TRAM1: variants seen among roughly 807,000 people sequenced by gnomAD.
TRAM1 encodes the protein translocation associated membrane protein 1, also known as translocating chain-associated membrane protein 1.
In TRAM1, 17 loss-of-function variants were observed where a neutral mutation model predicts 48.7. The ratio of observed to expected loss-of-function variants is 0.35; its 90% CI spans 0.24 to 0.52. The LOEUF (loss-of-function observed/expected upper bound fraction) is 0.52, where lower values mean the gene tolerates loss of function less well. TRAM1 is among the 20% of genes least tolerant of loss of function. The pLI is 0.94. For missense variants in TRAM1, 351 were observed against 441.5 expected (o/e 0.79, Z 1.84); for synonymous variants, 182 against 154.0 (o/e 1.18, Z -1.34).
In TRAM1 at chr8:70,583,341, C is replaced by T. The variant is rs773206061; in HGVS notation, c.891-17G>A. ...ACAGCGATTCTAAGAAATATTAAGA[C>T]ATAAAAAGTTAGTGTATAAAAAACA... On this transcript the variant is annotated splice_polypyrimidine_tract_variant and intron_variant, in intron 9 of 10. Coordinates refer to ENST00000262213, the MANE Select transcript of TRAM1 (RefSeq NM_014294.6). 6.2e-7 allele frequency: 1 copy of T among 1,607,636 alleles called. No homozygotes were observed. Among genetic ancestry groups the T allele is most frequent in the South Asian group, 1.1e-5 (1 of 90,030 alleles).
chr8:70,606,126 C>A (rs28407110), intron 1 of TRAM1, among the ~76,000 whole-genome samples: 4,100 of 152,214 alleles, frequency 0.027, 166 homozygotes, highest in African/African-American at 0.095. Flanking sequence ...TATTAAAGTA[C>A]TACTTTAAGG....
At chr8:70,599,234 G>A (rs1817554485) in intron 2 of TRAM1, among the ~76,000 whole-genome samples, 2 of 152,088 alleles carry the variant, frequency 1.3e-5, no homozygotes, top group Non-Finnish European at 2.9e-5. Flanking sequence ...CTCCTGCCTA[G>A]GTAACACATT....
At chr8:70,598,285 A>C in intron 2 of TRAM1, 30 bp from the exon 3 acceptor site, 1 of 1,583,406 alleles carries the variant, frequency 6.3e-7, no homozygotes, top group South Asian at 1.2e-5. Context: ...CAAATACACA[A>C]AAATATACAC....
At chr8:70,577,902 C>T (rs1402813319) in intron 10 of TRAM1, among the ~76,000 whole-genome samples, 2 of 152,252 alleles carry the variant, frequency 1.3e-5, no homozygotes, top group Admixed American at 6.5e-5. Context: ...GGTCCAGCTG[C>T]AGCCTCACAC....
chr8:70,586,007 A>G (rs1817208244), intron 8 of TRAM1, among the ~76,000 whole-genome samples: 2 of 150,994 alleles, frequency 1.3e-5, no homozygotes, highest in African/African-American at 2.4e-5. Flanking sequence ...ACAATAGCAA[A>G]GACTTGGAAC....
chr8:70,577,211 G>T (rs1025947762), intron 10 of TRAM1, among the ~76,000 whole-genome samples: 9 of 152,144 alleles, frequency 5.9e-5, no homozygotes, highest in African/African-American at 1.7e-4. Context: ...GCTTGGTGTG[G>T]GTCTGTAGGC....
At chr8:70,584,819 A>G (rs893879710) in intron 8 of TRAM1, among the ~76,000 whole-genome samples, 1 of 152,070 alleles carries the variant, frequency 6.6e-6, no homozygotes, top group Non-Finnish European at 1.5e-5. Flanking sequence ...GCTCATGAGT[A>G]GGAAGAATCA....
chr8:70,582,934 T>TTA (rs1464398130), intron 10 of TRAM1, among the ~76,000 whole-genome samples: 1 of 152,182 alleles, frequency 6.6e-6, no homozygotes, highest in Non-Finnish European at 1.5e-5. Context: ...ATGGAAAACT[T>TTA]GTTAAAGAGA....
intron 10 of TRAM1, among the ~76,000 whole-genome samples, chr8:70,580,723 C>A: frequency 1.4e-5 from 2 of 145,266 alleles, no homozygotes; most frequent in Non-Finnish European, 1.5e-5. Context: ...CAAGAAAATG[C>A]AATAGAAAGC....
chr8:70,575,107 A>T (rs1344877147), intron 10 of TRAM1, 102 bp from the exon 11 acceptor site: 1 of 820,706 alleles, frequency 1.2e-6, no homozygotes, highest in Non-Finnish European at 1.8e-6. Context: ...GTAAAATCCA[A>T]TTCACTCAGG....
intron 6 of TRAM1, among the ~76,000 whole-genome samples, chr8:70,592,078 T>C (rs941859350): frequency 2.0e-5 from 3 of 152,228 alleles, no homozygotes; most frequent in African/African-American, 7.2e-5. Context: ...TATATGTATG[T>C]ATAATTAAAC....
At chr8:70,603,436 G>C (rs1274245187) in intron 1 of TRAM1, among the ~76,000 whole-genome samples, 1 of 151,944 alleles carries the variant, frequency 6.6e-6, no homozygotes, top group Non-Finnish European at 1.5e-5. Context: ...TCCTTTACAG[G>C]CCAGGTGTGA....
chr8:70,597,790 T>A, intron 4 of TRAM1, 105 bp downstream of exon 4: 1 of 780,320 alleles, frequency 1.3e-6, no homozygotes, highest in Non-Finnish European at 1.8e-6. Flanking sequence ...AAAAAATACC[T>A]AAAACAGATT....
At chr8:70,581,691 C>T (rs1371435590) in intron 10 of TRAM1, among the ~76,000 whole-genome samples, 2 of 152,030 alleles carry the variant, frequency 1.3e-5, no homozygotes, top group Non-Finnish European at 2.9e-5. Context: ...TCATAATAGC[C>T]AAAAAGTAAA....
At chr8:70,583,944 TGGAG>T in intron 8 of TRAM1, 151 bp from the exon 9 acceptor site, 1 of 838,968 alleles carries the variant, frequency 1.2e-6, no homozygotes, top group Non-Finnish European at 1.7e-6. Context: ...AACCAGAAGG[TGGAG>T]GTCACAGTGA....
chr8:70,597,892 T>A lies in TRAM1; in HGVS notation c.426+3A>T. On this transcript the variant is annotated splice_donor_region_variant and intron_variant, in intron 4 of 10. Transcript: ENST00000262213. ...GAACAACAACCTAAGAGGACATACT[T>A]ACAGAGATGAGAATGAATGTGCCCC... The A allele has an allele frequency of 6.3e-7, 1 of 1,587,994 alleles. No homozygotes were observed. Among genetic ancestry groups the A allele is most frequent in the Non-Finnish European group, 8.6e-7 (1 of 1,164,326 alleles).
intron 1 of TRAM1, chr8:70,607,868 G>A (rs1338345542): frequency 8.1e-6 from 4 of 492,708 alleles, no homozygotes; most frequent in Non-Finnish European, 1.3e-5. Flanking sequence ...GAGGCCCACC[G>A]GGACTTTGCA....
At chr8:70,606,632 T>C (rs1459645754) in intron 1 of TRAM1, among the ~76,000 whole-genome samples, 2 of 152,098 alleles carry the variant, frequency 1.3e-5, no homozygotes, top group Admixed American at 6.5e-5. Context: ...ACCCAGTAGG[T>C]AGGTGGCACA....
intron 8 of TRAM1, among the ~76,000 whole-genome samples, chr8:70,584,974 C>T (rs1320617844): frequency 6.6e-6 from 1 of 152,172 alleles, no homozygotes; most frequent in African/African-American, 2.4e-5. Flanking sequence ...ATCACCAAGT[C>T]AATCCTAAGC....
Sources: gnomAD v4.1 joint callset for allele counts (sites outside exome capture counted in the v4.1 genomes callset) on GRCh38, gnomAD v4.1.1 for gene constraint, MANE v1.5 for transcripts, NCBI Gene and HGNC (gene_info 2026-07-23, HGNC 2026-07-21) for gene names.